NLRP5: variants seen among roughly 807,000 people sequenced by gnomAD.
The protein encoded by NLRP5 is NACHT, LRR and PYD domains-containing protein 5.
Under a neutral mutation model 113.1 loss-of-function variants are expected in NLRP5, and 93 were observed. The ratio of observed to expected loss-of-function variants is 0.82; its 90% confidence interval spans 0.70 to 0.98. The LOEUF is 0.98. Among genes scored for constraint, NLRP5 ranks in the 50% least tolerant of loss-of-function variants. The probability of loss-of-function intolerance (pLI) is 0.00; values close to 1 mark genes in which losing one functional copy is unlikely to be tolerated. For missense variants in NLRP5, 1,808 were observed against 1,514.3 expected, an observed-to-expected ratio of 1.19 and a Z score of -3.22; for synonymous variants, 751 against 600.7, an observed-to-expected ratio of 1.25 and a Z score of -3.66.
chr19:55,987,608 C>T, the NLRP5 span, among the ~76,000 whole-genome samples: 100 of 152,264 alleles, frequency 6.6e-4, no homozygotes, highest in African/African-American at 2.4e-3. Flanking sequence ...GGGTAGAAAG[C>T]AGCAAATCAT....
chr19:56,060,475 T>C lies in NLRP5; in HGVS notation c.3471-921T>C, dbSNP rs1292228567. 2.6e-5 allele frequency among the ~76,000 whole-genome samples: 4 copies of C among 152,048 alleles called. No homozygotes were observed. The East Asian group carries it at 7.7e-4, about 29-fold the overall frequency. On this transcript the variant is annotated intron_variant, in intron 14 of 14. Coordinates refer to ENST00000390649, the MANE Select transcript of NLRP5 (RefSeq NM_153447.4). The stretch of plus-strand genomic sequence containing the variant: ...GTTATAGCAATGACTCTGAAGAAAA[T>C]GACGTTCTTCGAGAATCTGCTCTAG...
chr19:55,996,085 C>T (rs532985817), upstream of NLRP5, among the ~76,000 whole-genome samples: 1 of 152,244 alleles, frequency 6.6e-6, no homozygotes, highest in African/African-American at 2.4e-5. Context: ...ATATTGCCTG[C>T]AAACATGAAC....
At chr19:56,032,473 C>G (rs1983156509) in intron 7 of NLRP5, 138 bp from the exon 8 acceptor site, 1 of 628,710 alleles carries the variant, frequency 1.6e-6, no homozygotes, top group Non-Finnish European at 2.7e-6. Flanking sequence ...GTGATGGCAG[C>G]CGCTAAGTTG....
chr19:56,061,230 C>G (rs573084766), intron 14 of NLRP5, among the ~76,000 whole-genome samples, 166 bp from the exon 15 acceptor site: 31 of 152,294 alleles, frequency 2.0e-4, no homozygotes, highest in African/African-American at 6.7e-4. Flanking sequence ...GTCTGCCATC[C>G]TACAAACTCA....
At chr19:56,056,844 A>G (rs1984172078) in intron 13 of NLRP5, among the ~76,000 whole-genome samples, 1 of 152,074 alleles carries the variant, frequency 6.6e-6, no homozygotes, top group Non-Finnish European at 1.5e-5. Flanking sequence ...TTTTTATTCT[A>G]TCATAAGAAT....
rs768442450 is a variant in NLRP5 at position 56,032,773 on chromosome 19, G to C, written c.2439G>C (p.Gln813His). The C allele has an allele frequency of 1.2e-6, 2 of 1,608,006 alleles. No homozygotes were observed. The highest frequency in any genetic ancestry group is 1.7e-6 in the Non-Finnish European group (2 of 1,177,474). Residue 813 changes from glutamine to histidine, a missense_variant, in exon 8 of 15, where the codon CAG becomes CAC. Physicochemically the swap from Gln to His is conservative, Grantham distance 24. Coordinates refer to ENST00000390649, the MANE Select transcript of NLRP5 (RefSeq NM_153447.4). ...TGAGGCATCCCACCTGCAAGATACA[G>C]ACCCTGATGTAAGGCTGCCCGCCCC...
At chr19:55,987,391 T>G in the NLRP5 span, among the ~76,000 whole-genome samples, 1 of 152,044 alleles carries the variant, frequency 6.6e-6, no homozygotes, top group Admixed American at 6.6e-5. Context: ...AAGTACAGAG[T>G]AGGGGGTACT....
intron 12 of NLRP5, among the ~76,000 whole-genome samples, chr19:56,052,214 T>A (rs536534174): frequency 1.2e-4 from 19 of 152,072 alleles, no homozygotes; most frequent in African/African-American, 4.3e-4. Flanking sequence ...GATTTTTGTG[T>A]GTTTTGTTTG....
chr19:56,004,116 G>A (rs1981763754), intron 2 of NLRP5, 21 bp downstream of exon 2: 1 of 1,577,828 alleles, frequency 6.3e-7, no homozygotes, highest in Admixed American at 1.8e-5. Context: ...CTTGGGACAA[G>A]TCTAGGGCAG....
Position 56,032,641 on chromosome 19 carries a change from G to GT in NLRP5, c.2308dup (p.Trp770LeufsTer49). On this transcript the variant is annotated frameshift_variant, in exon 8 of 15. Transcript: ENST00000390649. LOFTEE classifies it high-confidence loss of function. ...GGGATAAGACCCTCATTGAGGAGCA[G>GT]TGGGAAGATTTCTGCTCCATGCTTG... The GT allele has an allele frequency of 6.2e-7, 1 of 1,613,782 alleles. No individual in the cohort carries two copies. The highest frequency in any genetic ancestry group is 2.2e-5 in the East Asian group (1 of 44,864).
intron 9 of NLRP5, among the ~76,000 whole-genome samples, chr19:56,037,328 G>T (rs113234061): frequency 1.9e-3 from 291 of 152,254 alleles, no homozygotes; most frequent in African/African-American, 5.7e-3. Flanking sequence ...AAGCAACCAG[G>T]CCTCCACCTT....
At chr19:56,029,078 A>G (rs1346306867) in intron 7 of NLRP5, among the ~76,000 whole-genome samples, 1 of 151,764 alleles carries the variant, frequency 6.6e-6, no homozygotes, top group Non-Finnish European at 1.5e-5. Context: ...GTGACCGCTC[A>G]GGTTTGTGGA....
intron 2 of NLRP5, among the ~76,000 whole-genome samples, chr19:56,008,554 C>T (rs1411644164): frequency 1.3e-5 from 2 of 152,164 alleles, no homozygotes; most frequent in Non-Finnish European, 2.9e-5. Context: ...CCAAGGCCAT[C>T]CAGCAAAACG....
At chr19:56,001,899 G>A (rs1454248436) in intron 1 of NLRP5, among the ~76,000 whole-genome samples, 2 of 151,826 alleles carry the variant, frequency 1.3e-5, no homozygotes, top group African/African-American at 4.8e-5. Context: ...ACAAAGTAAT[G>A]GTGGGGGGAA....
intron 4 of NLRP5, among the ~76,000 whole-genome samples, chr19:56,018,257 C>A (rs906483963): frequency 6.6e-6 from 1 of 152,150 alleles, no homozygotes; most frequent in African/African-American, 2.4e-5. Context: ...TATAATTTTT[C>A]TCTAATTGAC....
At chr19:56,001,837 T>C (rs1451851633) in intron 1 of NLRP5, among the ~76,000 whole-genome samples, 1 of 152,074 alleles carries the variant, frequency 6.6e-6, no homozygotes, top group Non-Finnish European at 1.5e-5. Context: ...TCTACCTGAG[T>C]CTTTAAAATG....
intron 6 of NLRP5, among the ~76,000 whole-genome samples, chr19:56,025,600 C>T (rs10404343): frequency 0.017 from 2,635 of 151,584 alleles, 73 homozygotes; most frequent in African/African-American, 0.06. Context: ...TTAGTAGAGA[C>T]GGGGTTTCAC....
chr19:56,043,144 A>G (rs916965947), intron 11 of NLRP5, among the ~76,000 whole-genome samples: 1 of 152,156 alleles, frequency 6.6e-6, no homozygotes, highest in African/African-American at 2.4e-5. Flanking sequence ...GCTGGGTCAA[A>G]TGGTAGTTGT....
intron 3 of NLRP5, among the ~76,000 whole-genome samples, chr19:56,012,705 C>G (rs950528548): frequency 6.6e-6 from 1 of 151,914 alleles, no homozygotes; most frequent in Non-Finnish European, 1.5e-5. Context: ...TTTCCCAGAA[C>G]CTGATATTGT....
Sources: allele counts gnomAD v4.1 joint callset (sites outside exome capture counted in the v4.1 genomes callset), GRCh38; gene constraint gnomAD v4.1.1; transcripts MANE v1.5; gene names NCBI Gene and HGNC (gene_info 2026-07-23, HGNC 2026-07-21).